Variants in SUPT3H observed in about 807,000 individuals in gnomAD.
SUPT3H encodes the protein SPT3 homolog, SAGA and STAGA complex component.
In SUPT3H, 44 loss-of-function variants were observed where a neutral mutation model predicts 44.3. That is an observed-to-expected ratio of 0.99 (90% CI 0.78 to 1.28). SUPT3H has a LOEUF of 1.28. SUPT3H is among the 50% of genes most tolerant of loss of function. SUPT3H has a pLI of 0.00. For synonymous variants in SUPT3H, 124 were observed against 125.6 expected (o/e 0.99, Z 0.09); for missense variants, 380 against 387.1 (o/e 0.98, Z 0.15).
intron 6 of SUPT3H, among the ~76,000 whole-genome samples, chr6:44,990,601 G>A (rs150539862): frequency 0.018 from 2,671 of 152,184 alleles, 49 homozygotes; most frequent in South Asian, 0.086. Context: ...GGGGGTGATT[G>A]GATCATGGGG....
At chr6:45,348,712 A>G (rs533524715) in intron 2 of SUPT3H, among the ~76,000 whole-genome samples, 1 of 152,012 alleles carries the variant, frequency 6.6e-6, no homozygotes, top group African/African-American at 2.4e-5. Flanking sequence ...ATATCATTCA[A>G]CTAACAAGGC....
At chr6:45,209,641 T>C (rs1302799597) in intron 2 of SUPT3H, among the ~76,000 whole-genome samples, 1 of 152,216 alleles carries the variant, frequency 6.6e-6, no homozygotes, top group East Asian at 1.9e-4. Flanking sequence ...AATCTGTTCC[T>C]GGTGAAGATG....
intron 2 of SUPT3H, among the ~76,000 whole-genome samples, chr6:45,307,004 C>T (rs534479252): frequency 1.3e-5 from 2 of 152,208 alleles, no homozygotes; most frequent in African/African-American, 4.8e-5. Flanking sequence ...CCCAGGCCCA[C>T]GGAGCCTCAC....
At chr6:45,154,128 G>C (rs1374193931) in intron 2 of SUPT3H, among the ~76,000 whole-genome samples, 1 of 117,954 alleles carries the variant, frequency 8.5e-6, no homozygotes, top group African/African-American at 3.1e-5. Flanking sequence ...TTCAAATAAA[G>C]AAAATCCCAA....
chr6:45,371,347 T>C (rs1432168818), intron 1 of SUPT3H, among the ~76,000 whole-genome samples: 2 of 150,896 alleles, frequency 1.3e-5, no homozygotes, highest in African/African-American at 4.9e-5. Flanking sequence ...ATGTAAAAAA[T>C]AGAGGAATTT....
At chr6:44,943,060 A>C (rs1393859392) in intron 9 of SUPT3H, among the ~76,000 whole-genome samples, 1 of 152,222 alleles carries the variant, frequency 6.6e-6, no homozygotes, top group Non-Finnish European at 1.5e-5. Flanking sequence ...AGACCAAGAA[A>C]ATTCACATAT....
At position 45,193,386 on chromosome 6, in the gene SUPT3H, A is replaced by C. The variant is rs143802508; in HGVS notation, c.102-87380T>G. The stretch of plus-strand genomic sequence containing the variant: ...TTTCATTAAGAATCTTTGACTTTTT[A>C]AAATCAAAGCTATTTTAATATTTCA... On this transcript the variant is annotated intron_variant, in intron 2 of 10. Transcript: ENST00000371459. Among the ~76,000 whole-genome samples the C allele has an allele frequency of 1.7e-3, 266 of 152,286 alleles. 3 individuals are homozygous for C. Among genetic ancestry groups the C allele is most frequent in the African/African-American group, 6.3e-3 (260 of 41,562 alleles).
chr6:45,340,665 T>C (rs1279307469), intron 2 of SUPT3H, among the ~76,000 whole-genome samples: 1 of 152,120 alleles, frequency 6.6e-6, no homozygotes, highest in Non-Finnish European at 1.5e-5. Flanking sequence ...TTCAAGGAAT[T>C]AGATAATTCT....
In SUPT3H at chr6:45,304,312, T is replaced by C. The variant is rs1171928626; in HGVS notation, c.101+60889A>G. Reference sequence around the variant, plus strand: ...AATCTCTACCCATCCATCCAAATTATAGAGGTCTAATTTTGAAAATCAATT... The same window carrying C: ...AATCTCTACCCATCCATCCAAATTACAGAGGTCTAATTTTGAAAATCAATT... On this transcript the variant is annotated intron_variant, in intron 2 of 10. Transcript: ENST00000371459. 3.3e-5 allele frequency among the ~76,000 whole-genome samples: 5 copies of C among 152,308 alleles called. No individual in the cohort carries two copies. The East Asian group carries it at 9.6e-4, about 29-fold the overall frequency.
chr6:45,356,022 G>A (rs893385150), intron 2 of SUPT3H, among the ~76,000 whole-genome samples: 9 of 152,064 alleles, frequency 5.9e-5, no homozygotes, highest in South Asian at 2.1e-4. Context: ...TGGTTGTAAC[G>A]TAGTTGTTTT....
At chr6:45,349,522 G>C (rs1791594813) in intron 2 of SUPT3H, among the ~76,000 whole-genome samples, 1 of 152,110 alleles carries the variant, frequency 6.6e-6, no homozygotes, top group South Asian at 2.1e-4. Flanking sequence ...GTTCACCCTT[G>C]ATTTATTCAA....
chr6:45,325,695 T>C (rs915618269), intron 2 of SUPT3H, among the ~76,000 whole-genome samples: 1 of 151,836 alleles, frequency 6.6e-6, no homozygotes, highest in African/African-American at 2.4e-5. Flanking sequence ...ATTATAACCA[T>C]GGTATAAATC....
At chr6:45,311,841 C>T (rs1343054781) in intron 2 of SUPT3H, among the ~76,000 whole-genome samples, 2 of 152,098 alleles carry the variant, frequency 1.3e-5, no homozygotes, top group African/African-American at 2.4e-5. Context: ...CCTGGAAACA[C>T]ATCAAAACAG....
chr6:45,112,251 T>C (rs1397829919), intron 2 of SUPT3H, among the ~76,000 whole-genome samples: 3 of 151,374 alleles, frequency 2.0e-5, no homozygotes, highest in Admixed American at 6.6e-5. Flanking sequence ...TGTGGGAAAA[T>C]CATGAAATTA....
chr6:45,314,368 C>T (rs1278952840), intron 2 of SUPT3H, among the ~76,000 whole-genome samples: 2 of 152,046 alleles, frequency 1.3e-5, no homozygotes, highest in African/African-American at 4.8e-5. Flanking sequence ...CGTTTGCTGA[C>T]AATATGATTG....
In SUPT3H at chr6:45,218,935, C is replaced by T. The variant is rs559935710; in HGVS notation, c.102-112929G>A. ...AATCAATATAGAACATGTTATCTAA[C>T]CATAATTGAATCAAACTATTAATCA... is the stretch of plus-strand genomic sequence containing the variant. On this transcript the variant is annotated intron_variant, in intron 2 of 10. Transcript: ENST00000371459. Among the ~76,000 whole-genome samples, 13 of 152,172 alleles carry T rather than the reference C, an allele frequency of 8.5e-5. No individual in the cohort carries two copies. In the South Asian group the frequency reaches 2.7e-3, roughly 32 times the overall value.
At chr6:44,976,679 T>C (rs1778390807) in intron 6 of SUPT3H, among the ~76,000 whole-genome samples, 1 of 152,176 alleles carries the variant, frequency 6.6e-6, no homozygotes, top group Non-Finnish European at 1.5e-5. Flanking sequence ...TGAATTCTTA[T>C]CTGAAAAGTC....
At position 45,130,495 on chromosome 6, in the gene SUPT3H, C is replaced by T. The variant is rs756081343; in HGVS notation, c.102-24489G>A. On this transcript the variant is annotated intron_variant, in intron 2 of 10. Coordinates refer to ENST00000371459, the MANE Select transcript of SUPT3H (RefSeq NM_003599.4). ...CAATGCTGCTATGAACATTTGTATACGAGTTTATTCCATCCTTTTTGAGGC... is the reference window on the plus strand; with the variant it reads ...CAATGCTGCTATGAACATTTGTATATGAGTTTATTCCATCCTTTTTGAGGC... Among the ~76,000 whole-genome samples the T allele has an allele frequency of 1.1e-4, 17 of 151,950 alleles. No homozygotes were observed. In the East Asian group the frequency reaches 1.4e-3, roughly 12 times the overall value.
intron 2 of SUPT3H, among the ~76,000 whole-genome samples, chr6:45,357,021 T>G (rs533195504): frequency 3.9e-5 from 6 of 152,292 alleles, no homozygotes; most frequent in African/African-American, 1.4e-4. Flanking sequence ...TTTTTTTCTT[T>G]TCTGAGACGG....
Sources: allele counts gnomAD v4.1 joint callset (sites outside exome capture counted in the v4.1 genomes callset), GRCh38; gene constraint gnomAD v4.1.1; transcripts MANE v1.5; gene names NCBI Gene and HGNC (gene_info 2026-07-23, HGNC 2026-07-21).